ASAP1: variants seen among roughly 807,000 people sequenced by gnomAD.
The protein encoded by ASAP1 is arf-GAP with SH3 domain, ANK repeat and PH domain-containing protein 1.
ASAP1 carries 43 observed loss-of-function variants against 145.2 expected under a neutral mutation model. The ratio of observed to expected loss-of-function variants is 0.30; its 90% CI spans 0.23 to 0.38. The LOEUF (loss-of-function observed/expected upper bound fraction) is 0.38, where lower values mean the gene tolerates loss of function less well. ASAP1 is among the 10% of genes least tolerant of loss of function. ASAP1 has a pLI of 1.00. For synonymous variants in ASAP1, 546 were observed against 515.5 expected, an observed-to-expected ratio of 1.06 and a Z score of -0.80; for missense variants, 1,018 against 1,355.3, an observed-to-expected ratio of 0.75 and a Z score of 3.91.
intron 2 of ASAP1, among the ~76,000 whole-genome samples, chr8:130,388,646 C>G (rs1828132757): frequency 6.6e-6 from 1 of 152,098 alleles, no homozygotes; most frequent in African/African-American, 2.4e-5. Context: ...GGTAGAGTCA[C>G]AAGAAGAAAT....
intron 7 of ASAP1, among the ~76,000 whole-genome samples, chr8:130,186,301 A>T (rs1046992037): frequency 9.2e-5 from 14 of 152,156 alleles, no homozygotes; most frequent in African/African-American, 3.4e-4. Flanking sequence ...TGCACTTTTC[A>T]CATAATTACA....
intron 1 of ASAP1, among the ~76,000 whole-genome samples, chr8:130,433,309 T>C (rs1454308778): frequency 1.3e-5 from 2 of 152,172 alleles, no homozygotes; most frequent in Non-Finnish European, 2.9e-5. Flanking sequence ...AGCACATTCC[T>C]ACCACAAAGC....
At chr8:130,400,597 C>T (rs1297338786) in intron 2 of ASAP1, among the ~76,000 whole-genome samples, 1 of 150,928 alleles carries the variant, frequency 6.6e-6, no homozygotes, top group Non-Finnish European at 1.5e-5. Context: ...ACCATCCTGG[C>T]TAACACGGTG....
chr8:130,093,359 T>C (rs1031889655), intron 24 of ASAP1, among the ~76,000 whole-genome samples: 1 of 152,116 alleles, frequency 6.6e-6, no homozygotes, highest in Non-Finnish European at 1.5e-5. Flanking sequence ...AAACTGCTTC[T>C]GTAAACGTTA....
chr8:130,443,012 C>T (rs1197039217), intron 1 of ASAP1, among the ~76,000 whole-genome samples: 1 of 152,140 alleles, frequency 6.6e-6, no homozygotes, highest in Non-Finnish European at 1.5e-5. Context: ...GCGCCGGGTC[C>T]GGGTAGGGGC....
intron 3 of ASAP1, among the ~76,000 whole-genome samples, chr8:130,268,905 G>A (rs951503050): frequency 6.8e-4 from 103 of 152,220 alleles, no homozygotes; most frequent in Non-Finnish European, 1.8e-4. Context: ...CATTATGCAG[G>A]ACAAGAGCAA....
chr8:130,217,632 G>T (rs1449223541), intron 4 of ASAP1, among the ~76,000 whole-genome samples: 3 of 151,902 alleles, frequency 2.0e-5, no homozygotes, highest in Non-Finnish European at 4.4e-5. Context: ...CTACCCAATG[G>T]ACACTGCTGT....
At chr8:130,396,277 C>T (rs949929501) in intron 2 of ASAP1, among the ~76,000 whole-genome samples, 2 of 152,202 alleles carry the variant, frequency 1.3e-5, no homozygotes, top group African/African-American at 4.8e-5. Context: ...AGGATAAGCT[C>T]AAGAAGGCTT....
intron 1 of ASAP1, among the ~76,000 whole-genome samples, chr8:130,403,554 CTTTTTTTTT>C (rs372481861): frequency 2.4e-5 from 3 of 125,398 alleles, no homozygotes; most frequent in African/African-American, 9.3e-5. Flanking sequence ...TTTTCTTTTT[CTTTTTTTTT>C]TTTTTTTTGT....
Position 130,401,982 on chromosome 8 carries a change from G to C in ASAP1, c.-27-12C>G. On this transcript the variant is annotated splice_polypyrimidine_tract_variant and intron_variant, in intron 1 of 29. Coordinates refer to ENST00000518721, the MANE Select transcript of ASAP1 (RefSeq NM_018482.4). ...CATCAGAAAACGACCTGGATAGGGG[G>C]CAGGACAAAAAGGGGACAAGAGTCA... 2 of 1,583,984 alleles carry C rather than the reference G, an allele frequency of 1.3e-6. No individual in the cohort carries two copies. The highest frequency in any genetic ancestry group is 8.6e-7 in the Non-Finnish European group (1 of 1,158,624).
chr8:130,304,934 G>T (rs908345043), intron 3 of ASAP1, among the ~76,000 whole-genome samples: 1 of 152,206 alleles, frequency 6.6e-6, no homozygotes, highest in Admixed American at 6.5e-5. Flanking sequence ...CTTGACAGCA[G>T]TCAGCAGGCC....
At position 130,376,817 on chromosome 8, in the gene ASAP1, C is replaced by A. The variant is rs369808528; in HGVS notation, c.60-18674G>T. On this transcript the variant is annotated intron_variant, in intron 2 of 29. Transcript: ENST00000518721. ...ACTTGGGAGGCTGAGGCAGGAGAAT[C>A]GTTTGAAGCCGGGAGGCAGAGGTTG... Among the ~76,000 whole-genome samples the A allele has an allele frequency of 2.6e-3, 370 of 141,358 alleles. 2 individuals are homozygous for A. The highest frequency in any genetic ancestry group is 9.5e-3 in the African/African-American group (364 of 38,234). The allele number at this position is 141,358 out of a possible 152,430, so 92.7% of individuals were successfully genotyped here.
At chr8:130,142,269 G>A (rs540052148) in intron 13 of ASAP1, among the ~76,000 whole-genome samples, 3 of 152,174 alleles carry the variant, frequency 2.0e-5, no homozygotes, top group African/African-American at 7.2e-5. Flanking sequence ...ATATAGCTCG[G>A]AGAATAACAG....
chr8:130,137,474 GT>G (rs2097597723), intron 13 of ASAP1, among the ~76,000 whole-genome samples: 1 of 152,188 alleles, frequency 6.6e-6, no homozygotes, highest in Non-Finnish European at 1.5e-5. Context: ...AGCACCAACA[GT>G]TGGCACTTTT....
intron 4 of ASAP1, among the ~76,000 whole-genome samples, chr8:130,222,885 T>C (rs1207167950): frequency 1.3e-5 from 2 of 152,142 alleles, no homozygotes; most frequent in East Asian, 3.9e-4. Flanking sequence ...CTAGTGTACT[T>C]GGTAAAGTGC....
chr8:130,231,388 T>C (rs1373156065), intron 4 of ASAP1, among the ~76,000 whole-genome samples: 1 of 152,214 alleles, frequency 6.6e-6, no homozygotes, highest in East Asian at 1.9e-4. Context: ...TATACCACTG[T>C]CATTTTTTTC....
intron 27 of ASAP1, among the ~76,000 whole-genome samples, chr8:130,064,645 C>A (rs2097426510): frequency 6.6e-6 from 1 of 152,118 alleles, no homozygotes. Context: ...GCAGCGGATA[C>A]CAGCCAGGTG....
At chr8:130,203,329 T>G (rs1586585175) in intron 5 of ASAP1, among the ~76,000 whole-genome samples, 1 of 152,086 alleles carries the variant, frequency 6.6e-6, no homozygotes, top group South Asian at 2.1e-4. Flanking sequence ...CTGTGCAGGG[T>G]GTACATGGCT....
intron 9 of ASAP1, among the ~76,000 whole-genome samples, chr8:130,177,372 G>A (rs1283028356): frequency 6.6e-6 from 1 of 152,200 alleles, no homozygotes; most frequent in Admixed American, 6.5e-5. Context: ...CTAAAGTCAG[G>A]TGAAATCAGT....
Sources: allele counts gnomAD v4.1 joint callset (sites outside exome capture counted in the v4.1 genomes callset), GRCh38; gene constraint gnomAD v4.1.1; transcripts MANE v1.5; gene names NCBI Gene and HGNC (gene_info 2026-07-23, HGNC 2026-07-21).